RAPGEF2: variants seen among roughly 807,000 people sequenced by gnomAD.
RAPGEF2 encodes PDZ domain containing guanine nucleotide exchange factor (GEF) 1.
RAPGEF2 carries 54 observed loss-of-function variants against 186.7 expected under a neutral mutation model. The observed-to-expected ratio is 0.29, with a 90% CI of 0.23 to 0.36. The LOEUF is 0.36. Ranked by LOEUF, RAPGEF2 falls within the 10% of genes least tolerant of loss-of-function variation. The pLI, the probability that RAPGEF2 is intolerant of heterozygous loss-of-function variation, is 1.00. For synonymous variants in RAPGEF2, 712 were observed against 705.9 expected (o/e 1.01, Z -0.14); for missense variants, 1,532 against 2,045.0 (o/e 0.75, Z 4.84).
chr4:159,271,863 C>T (rs1758175647), intron 7 of RAPGEF2, among the ~76,000 whole-genome samples: 1 of 152,164 alleles, frequency 6.6e-6, no homozygotes, highest in Non-Finnish European at 1.5e-5. Flanking sequence ...GTCAATAATA[C>T]ATCTATCCAT....
Position 159,353,526 on chromosome 4 carries a change from T to A in RAPGEF2, c.4131T>A (p.Ala1377=). Residue 1377 remains alanine, a synonymous_variant, in exon 28 of 30, where the codon GCT becomes GCA. Transcript: ENST00000691494. The surrounding 1 kb of genome is among the most constrained non-coding windows in gnomAD (Gnocchi z 4.3). ...APMSEGRGLY[A]TATVISSPST... ...TGTCCGAGGGCCGAGGCTTATATGC[T>A]ACAGCTACAGTAATTTCTTCTCCAA... 1 of 1,530,002 alleles carries A rather than the reference T, an allele frequency of 6.5e-7. No individual in the cohort carries two copies. The highest frequency in any genetic ancestry group is 1.4e-5 in the African/African-American group (1 of 72,116). 94.8% of individuals were successfully genotyped at this position (1,530,002 alleles called of 1,614,324 possible).
intron 1 of RAPGEF2, among the ~76,000 whole-genome samples, chr4:159,122,031 T>G (rs1212179249): frequency 2.5e-5 from 2 of 79,258 alleles, no homozygotes; most frequent in African/African-American, 6.0e-5. Context: ...AGAGCAAGAC[T>G]CCATCTCAAA....
intron 7 of RAPGEF2, among the ~76,000 whole-genome samples, chr4:159,252,085 C>T (rs896955487): frequency 1.3e-5 from 2 of 152,166 alleles, no homozygotes; most frequent in African/African-American, 2.4e-5. Flanking sequence ...CCGTGAGGGT[C>T]TGTGGTTTCA....
intron 1 of RAPGEF2, among the ~76,000 whole-genome samples, chr4:159,159,223 T>G (rs1744442776): frequency 6.6e-6 from 1 of 152,214 alleles, no homozygotes; most frequent in African/African-American, 2.4e-5. Context: ...CGCAGCTGTT[T>G]ATTTTGCATC....
Position 159,331,506 on chromosome 4 carries a change from T to G in RAPGEF2, c.1543T>G (p.Leu515Val). The stretch of plus-strand genomic sequence containing the variant: ...AGGAGATCCTGCAATGACTCGATTT[T>G]TAGAAGAATTTGAAAACAATCTGGA... ...FEGDPAMTRF[L>V]EEFENNLERE... The change falls in exon 14 of 30, where the codon TTA becomes GTA. Residue 515 changes from leucine to valine, a missense_variant. This residue lies in a region of RAPGEF2 where 810 missense variants were observed against 1,210.5 expected (regional missense o/e 0.67). Coordinates refer to ENST00000691494, the MANE Select transcript of RAPGEF2 (RefSeq NM_001394067.2). 6.2e-7 allele frequency: 1 copy of G among 1,613,524 alleles called. No homozygotes were observed. The highest frequency in any genetic ancestry group is 1.1e-5 in the South Asian group (1 of 91,038).
Position 159,202,923 on chromosome 4 carries a change from T to C in RAPGEF2, c.198-7577T>C, listed in dbSNP as rs550467896. 1.4e-3 allele frequency among the ~76,000 whole-genome samples: 217 copies of C among 152,320 alleles called. 8 individuals carry two copies. In the South Asian group the frequency reaches 0.042, roughly 30 times the overall value. ...GGCCTCCATGAGCAACCTTTTTGGC[T>C]GACTGGGCCTCACTTAAGTTTTCAC... On this transcript the variant is annotated intron_variant, in intron 3 of 29. Coordinates refer to ENST00000691494, the MANE Select transcript of RAPGEF2 (RefSeq NM_001394067.2).
chr4:159,295,485 A>G (rs1228956059), intron 7 of RAPGEF2, among the ~76,000 whole-genome samples: 1 of 152,142 alleles, frequency 6.6e-6, no homozygotes, highest in African/African-American at 2.4e-5. Context: ...GTTTATTAAC[A>G]GGCAACAGGA....
chr4:159,226,342 C>CT (rs1316389416), intron 4 of RAPGEF2, among the ~76,000 whole-genome samples: 2 of 152,136 alleles, frequency 1.3e-5, no homozygotes, highest in African/African-American at 4.8e-5. Flanking sequence ...TGGAATCTGT[C>CT]TTGTGTTCCT....
chr4:159,350,140 T>C lies in RAPGEF2; in HGVS notation c.3716T>C (p.Ile1239Thr), dbSNP rs760706887. The C allele has an allele frequency of 6.5e-7, 1 of 1,547,338 alleles. No homozygotes were observed. The highest frequency in any genetic ancestry group is 1.3e-5 in the South Asian group (1 of 78,480). The change falls in exon 26 of 30, where the codon ATA becomes ACA. Residue 1239 changes from isoleucine (I) to threonine (T), a missense_variant. Transcript: ENST00000691494. ...GGTTTTTTTTTTTCCATTATAGGCA[T>C]AAACTCTCCACAAGCTTTAAAAAAA... is the stretch of plus-strand genomic sequence containing the variant. ...VPVKDLPPFG[I>T]NSPQALKKIL...
chr4:159,344,967 C>A, intron 23 of RAPGEF2, 139 bp from the exon 24 acceptor site: 3 of 651,426 alleles, frequency 4.6e-6, no homozygotes, highest in Non-Finnish European at 8.0e-6. Flanking sequence ...ATTCTATATT[C>A]CTGTGTAACA....
At chr4:159,225,732 G>A (rs1220413685) in intron 4 of RAPGEF2, among the ~76,000 whole-genome samples, 1 of 152,070 alleles carries the variant, frequency 6.6e-6, no homozygotes, top group Non-Finnish European at 1.5e-5. Flanking sequence ...TTTCTCTGAA[G>A]ATTAATGTTG....
intron 1 of RAPGEF2, among the ~76,000 whole-genome samples, chr4:159,172,023 CATT>C (rs1241358813): frequency 2.6e-5 from 4 of 151,318 alleles, no homozygotes; most frequent in African/African-American, 9.7e-5. Flanking sequence ...CAAGTAATGA[CATT>C]ATAAAAAAAA....
chr4:159,197,039 A>G (rs934905588), intron 3 of RAPGEF2, among the ~76,000 whole-genome samples: 1 of 152,048 alleles, frequency 6.6e-6, no homozygotes, highest in Non-Finnish European at 1.5e-5. Context: ...TTTATTATCT[A>G]CTCTGTTAGG....
At chr4:159,321,327 C>T (rs1452697244) in intron 9 of RAPGEF2, among the ~76,000 whole-genome samples, 1 of 152,026 alleles carries the variant, frequency 6.6e-6, no homozygotes, top group African/African-American at 2.4e-5. Flanking sequence ...CCACCTCAGC[C>T]TCCTGAGTAG....
intron 1 of RAPGEF2, among the ~76,000 whole-genome samples, chr4:159,126,271 C>T (rs142601260): frequency 1.3e-4 from 20 of 152,112 alleles, no homozygotes; most frequent in African/African-American, 4.6e-4. Flanking sequence ...ACACAATTTT[C>T]AGGAAAACAC....
Position 159,350,127 on chromosome 4 carries a change from T to TC in RAPGEF2, c.3713-8dup. On this transcript the variant is annotated splice_polypyrimidine_tract_variant and intron_variant, in intron 25 of 29. Transcript: ENST00000691494. ...AATACATATTTAAGGTTTTTTTTTT[T>TC]CCATTATAGGCATAAACTCTCCACA... 1 of 1,447,878 alleles carries TC rather than the reference T, an allele frequency of 6.9e-7. No homozygotes were observed. Among genetic ancestry groups the TC allele is most frequent in the South Asian group, 1.4e-5 (1 of 70,318 alleles). The allele number at this position is 1,447,878 out of a possible 1,614,324, so 89.7% of individuals were successfully genotyped here. A position where few individuals can be genotyped will look rare whatever the true frequency, so the allele number is the denominator to read the frequency against.
At chr4:159,302,335 TTAA>T (rs1239965658) in intron 7 of RAPGEF2, among the ~76,000 whole-genome samples, 4 of 89,894 alleles carry the variant, frequency 4.4e-5, no homozygotes, top group African/African-American at 2.5e-4. Context: ...ATTTGACACG[TTAA>T]TTTTTTTAAA....
chr4:159,339,078 C>G (rs773949281), intron 18 of RAPGEF2, 36 bp from the exon 19 acceptor site: 2 of 1,586,246 alleles, frequency 1.3e-6, no homozygotes, highest in Non-Finnish European at 1.7e-6. Context: ...TATTAAAATT[C>G]TTTCTACTTA....
At chr4:159,168,369 G>A (rs1338829993) in intron 1 of RAPGEF2, among the ~76,000 whole-genome samples, 3 of 152,048 alleles carry the variant, frequency 2.0e-5, no homozygotes, top group African/African-American at 7.2e-5. Context: ...GCGTGCATTT[G>A]ATAGCCAGAA....
Sources: allele counts gnomAD v4.1 joint callset (sites outside exome capture counted in the v4.1 genomes callset), GRCh38; gene constraint gnomAD v4.1.1; regional missense constraint gnomAD v4.1.1; non-coding constraint Gnocchi (gnomAD v3.1); transcripts MANE v1.5; gene names NCBI Gene and HGNC (gene_info 2026-07-23, HGNC 2026-07-21).